Variants in MARCHF1 observed in about 807,000 individuals in gnomAD.
MARCHF1 encodes membrane associated ring-CH-type finger 1.
MARCHF1 carries 40 observed loss-of-function variants against 54.2 expected under a neutral mutation model. The ratio of observed to expected loss-of-function variants is 0.74; its 90% CI spans 0.57 to 0.96. The LOEUF is 0.96. MARCHF1 is among the 40% of genes least tolerant of loss of function. MARCHF1 has a pLI of 0.00. For missense variants in MARCHF1, 586 were observed against 656.5 expected (o/e 0.89, Z 1.17); for synonymous variants, 236 against 236.3 (o/e 1.00, Z 0.01).
At chr4:164,050,275 C>CAGAAAAAAAAAAA (rs1754334487) in intron 2 of MARCHF1, among the ~76,000 whole-genome samples, 1 of 40,164 alleles carries the variant, frequency 2.5e-5, no homozygotes, top group Non-Finnish European at 4.2e-5. Flanking sequence ...ACACTGTCTC[C>CAGAAAAAAAAAAA]AAAAAAAAAA....
intron 1 of MARCHF1, among the ~76,000 whole-genome samples, chr4:164,374,973 A>G (rs551866766): frequency 6.6e-6 from 1 of 152,294 alleles, no homozygotes; most frequent in East Asian, 1.9e-4. Flanking sequence ...CTGGGACCTG[A>G]CTTTGGGTTC....
chr4:164,140,428 A>G (rs1756504063), intron 1 of MARCHF1, among the ~76,000 whole-genome samples: 1 of 152,042 alleles, frequency 6.6e-6, no homozygotes, highest in African/African-American at 2.4e-5. Context: ...AGGAGCTGAA[A>G]CTGACCGGAT....
At chr4:164,097,896 G>T (rs989079280) in intron 2 of MARCHF1, among the ~76,000 whole-genome samples, 4 of 152,126 alleles carry the variant, frequency 2.6e-5, no homozygotes, top group Admixed American at 6.6e-5. Flanking sequence ...CATACTCATC[G>T]CAGTTTATCT....
At chr4:164,178,980 A>AG (rs1560941518) in intron 1 of MARCHF1, among the ~76,000 whole-genome samples, 1 of 151,980 alleles carries the variant, frequency 6.6e-6, no homozygotes, top group East Asian at 1.9e-4. Flanking sequence ...TACTACCTGG[A>AG]GAAAAAGTTC....
chr4:164,259,544 C>CAAAAAAAAAAAAAAAAAA (rs141030578), intron 1 of MARCHF1, among the ~76,000 whole-genome samples: 4 of 58,960 alleles, frequency 6.8e-5, no homozygotes, highest in African/African-American at 1.1e-4. Context: ...GACCGTGTCT[C>CAAAAAAAAAAAAAAAAAA]AAAAAAAAAA....
intron 4 of MARCHF1, among the ~76,000 whole-genome samples, chr4:163,841,778 G>C (rs1290946861): frequency 6.6e-6 from 1 of 152,070 alleles, no homozygotes; most frequent in Admixed American, 6.6e-5. Context: ...TGACAATTCG[G>C]TAACTGCAGT....
At chr4:164,026,607 A>G (rs1246279946) in intron 2 of MARCHF1, among the ~76,000 whole-genome samples, 2 of 152,164 alleles carry the variant, frequency 1.3e-5, no homozygotes, top group African/African-American at 2.4e-5. Context: ...AGAGCCATCT[A>G]TGGCAAACCA....
intron 4 of MARCHF1, among the ~76,000 whole-genome samples, chr4:163,791,710 T>G (rs1747777981): frequency 1.3e-5 from 2 of 152,170 alleles, no homozygotes; most frequent in Non-Finnish European, 2.9e-5. Flanking sequence ...TATTGCATCT[T>G]CAGTTTGTTT....
At chr4:164,308,470 T>C (rs1210803441) in intron 1 of MARCHF1, among the ~76,000 whole-genome samples, 2 of 144,338 alleles carry the variant, frequency 1.4e-5, no homozygotes, top group East Asian at 4.1e-4. Context: ...ATCATTTTCC[T>C]TTTTTTTTCC....
intron 1 of MARCHF1, among the ~76,000 whole-genome samples, chr4:164,143,536 G>C (rs9714425): frequency 0.14 from 21,646 of 150,464 alleles, 2,033 homozygotes; most frequent in African/African-American, 0.25. Flanking sequence ...TTAAAGAAAA[G>C]AATTTTCAAC....
At position 163,899,672 on chromosome 4, in the gene MARCHF1, T is replaced by C. The variant is rs911258619; in HGVS notation, c.-38-45503A>G. 3.3e-5 allele frequency among the ~76,000 whole-genome samples: 5 copies of C among 152,190 alleles called. No individual in the cohort carries two copies. The South Asian group carries it at 6.2e-4, about 19-fold the overall frequency. On this transcript the variant is annotated intron_variant, in intron 3 of 9. Coordinates refer to ENST00000514618, the MANE Select transcript of MARCHF1 (RefSeq NM_001394959.1). Reference sequence around the variant, plus strand: ...TCTCCTGACCTGACCTTCAGATCTATATTTACTATTGTATCTTGACATCTC... The same window carrying C: ...TCTCCTGACCTGACCTTCAGATCTACATTTACTATTGTATCTTGACATCTC...
At chr4:164,004,702 A>ACC (rs143975374) in intron 2 of MARCHF1, among the ~76,000 whole-genome samples, 5 of 150,710 alleles carry the variant, frequency 3.3e-5, no homozygotes, top group African/African-American at 7.3e-5. Flanking sequence ...CTGAAAAATC[A>ACC]CCCCCCCCAA....
At chr4:163,976,743 G>A (rs1478211227) in intron 3 of MARCHF1, among the ~76,000 whole-genome samples, 15 of 152,144 alleles carry the variant, frequency 9.9e-5, no homozygotes, top group East Asian at 5.8e-4. Context: ...GCAAAATCAC[G>A]GGAGTAGGTC....
rs70952609 is a variant in MARCHF1 at position 164,199,681 on chromosome 4, CAG to C, written c.-322-88021_-322-88020del. Reference sequence around the variant, plus strand: ...ACACACACACACACACACACACACACAGAGAGAGAGAGAGAGAGAGAGAGAGA... The same window carrying C: ...ACACACACACACACACACACACACACAGAGAGAGAGAGAGAGAGAGAGAGA... On this transcript the variant is annotated intron_variant, in intron 1 of 9. Coordinates refer to ENST00000514618, the MANE Select transcript of MARCHF1 (RefSeq NM_001394959.1). Among the ~76,000 whole-genome samples, 291 of 47,610 alleles carry C rather than the reference CAG, an allele frequency of 6.1e-3. 1 individual carries two copies. Among genetic ancestry groups the C allele is most frequent in the African/African-American group, 0.016 (184 of 11,836 alleles). 31.2% of individuals were successfully genotyped at this position (47,610 alleles called of 152,430 possible).
At chr4:164,293,652 A>AT (rs1350538533) in intron 1 of MARCHF1, among the ~76,000 whole-genome samples, 1 of 152,176 alleles carries the variant, frequency 6.6e-6, no homozygotes, top group Non-Finnish European at 1.5e-5. Context: ...ATAAATTTAG[A>AT]TTTTTTTCTG....
rs576898582 is a variant in MARCHF1, at chr4:163,759,615, T to C, written c.112-58752A>G. On this transcript the variant is annotated intron_variant, in intron 4 of 9. Transcript: ENST00000514618. Reference sequence around the variant, plus strand: ...ATGTCACCATTCGATTTAATCTACATTGAGCTGAAATGAACTTGGCATAAT... The same window carrying C: ...ATGTCACCATTCGATTTAATCTACACTGAGCTGAAATGAACTTGGCATAAT... 1.3e-4 allele frequency among the ~76,000 whole-genome samples: 20 copies of C among 152,348 alleles called. No homozygotes were observed. In the South Asian group the frequency reaches 2.9e-3, roughly 22 times the overall value.
chr4:164,257,571 TA>T (rs1302256435), intron 1 of MARCHF1, among the ~76,000 whole-genome samples: 2 of 151,772 alleles, frequency 1.3e-5, no homozygotes, highest in Non-Finnish European at 2.9e-5. Context: ...GGGATAGTGA[TA>T]AAATATATAT....
At chr4:164,185,992 AAGT>A (rs1263066243) in intron 1 of MARCHF1, among the ~76,000 whole-genome samples, 1 of 152,174 alleles carries the variant, frequency 6.6e-6, no homozygotes, top group African/African-American at 2.4e-5. Context: ...CTCTGGGTTC[AAGT>A]GATTCTCCTG....
intron 1 of MARCHF1, among the ~76,000 whole-genome samples, chr4:164,223,577 A>T (rs1732171222): frequency 6.6e-6 from 1 of 151,990 alleles, no homozygotes; most frequent in South Asian, 2.1e-4. Context: ...AAAAAATGTC[A>T]GTATTTATTG....
Sources: gnomAD v4.1 joint callset for allele counts (sites outside exome capture counted in the v4.1 genomes callset) on GRCh38, gnomAD v4.1.1 for gene constraint, MANE v1.5 for transcripts, NCBI Gene and HGNC (gene_info 2026-07-23, HGNC 2026-07-21) for gene names.